SMARCC1: variants seen among roughly 807,000 people sequenced by gnomAD.
SMARCC1 encodes the protein SWI/SNF complex subunit SMARCC1.
SMARCC1 carries 43 observed loss-of-function variants against 147.4 expected under a neutral mutation model. That is an observed-to-expected ratio of 0.29 (90% CI 0.23 to 0.38). SMARCC1 has a LOEUF of 0.38. Among genes scored for constraint, SMARCC1 ranks in the 10% least tolerant of loss-of-function variants. The probability of loss-of-function intolerance (pLI) is 1.00; values close to 1 mark genes in which losing one functional copy is unlikely to be tolerated. For missense variants in SMARCC1, 1,119 were observed against 1,381.1 expected (o/e 0.81, Z 3.01); for synonymous variants, 495 against 484.4 (o/e 1.02, Z -0.29).
At chr3:47,590,613 C>T in intron 27 of SMARCC1, 48 bp downstream of exon 27, 1 of 1,454,316 alleles carries the variant, frequency 6.9e-7, no homozygotes. Flanking sequence ...ATCTACAGCC[C>T]TCCAGAACGG....
intron 19 of SMARCC1, chr3:47,670,246 G>C (rs2033477620): frequency 6.0e-6 from 1 of 165,836 alleles, no homozygotes; most frequent in Non-Finnish European, 1.3e-5. Flanking sequence ...TTGTGATTGA[G>C]TTTTGAGCTC....
At chr3:47,589,482 TATGTATGGTCCACAG>T (rs1477402693) in intron 27 of SMARCC1, among the ~76,000 whole-genome samples, 2 of 152,214 alleles carry the variant, frequency 1.3e-5, no homozygotes, top group Admixed American at 1.3e-4. Flanking sequence ...CGAGCTCATT[TATGTATGGTCCACAG>T]GGTGGCTTGG....
At chr3:47,737,816 C>T (rs1054839060) in intron 4 of SMARCC1, among the ~76,000 whole-genome samples, 4 of 144,702 alleles carry the variant, frequency 2.8e-5, no homozygotes, top group South Asian at 2.4e-4. Flanking sequence ...GAACCACGTG[C>T]GGCTAATTTT....
At chr3:47,622,464 T>C (rs760376844) in intron 24 of SMARCC1, 123 bp from the exon 25 acceptor site, 28 of 865,398 alleles carry the variant, frequency 3.2e-5, no homozygotes, top group Middle Eastern at 4.5e-4. Flanking sequence ...ATGTCTCCTT[T>C]GTAACGTACA....
chr3:47,774,769 T>G (rs1000907095), intron 1 of SMARCC1, among the ~76,000 whole-genome samples: 1 of 152,010 alleles, frequency 6.6e-6, no homozygotes, highest in African/African-American at 2.4e-5. Flanking sequence ...TATTGATAAT[T>G]TGCAACAAAA....
rs1411537308 is a variant in SMARCC1 at position 47,693,307 on chromosome 3, A to C, written c.1166-7T>G. 4.0e-6 allele frequency: 6 copies of C among 1,484,968 alleles called. No individual in the cohort carries two copies. In the Admixed American group the frequency reaches 1.0e-4, roughly 25 times the overall value. The allele number at this position is 1,484,968 out of a possible 1,614,324, so 92.0% of individuals were successfully genotyped here. On this transcript the variant is annotated splice_region_variant and splice_polypyrimidine_tract_variant and intron_variant, in intron 11 of 27. Coordinates refer to ENST00000254480, the MANE Select transcript of SMARCC1 (RefSeq NM_003074.4). ...CTATCTTTCTTTAGGTTCACTAGAAAAAGAAAAAAAAGAGTTATGTTTATG... is the reference window on the plus strand; with the variant it reads ...CTATCTTTCTTTAGGTTCACTAGAACAAGAAAAAAAAGAGTTATGTTTATG...
chr3:47,751,061 C>A (rs542763155), intron 2 of SMARCC1, among the ~76,000 whole-genome samples: 1 of 152,014 alleles, frequency 6.6e-6, no homozygotes, highest in East Asian at 2.0e-4. Context: ...CCACGCCAGG[C>A]TTATTTTTGT....
intron 5 of SMARCC1, among the ~76,000 whole-genome samples, chr3:47,734,103 G>T (rs2034411907): frequency 6.6e-6 from 1 of 152,042 alleles, no homozygotes; most frequent in African/African-American, 2.4e-5. Flanking sequence ...AATGTTTCCA[G>T]TATGACCCGG....
intron 25 of SMARCC1, among the ~76,000 whole-genome samples, chr3:47,613,507 C>T (rs2106673992): frequency 6.6e-6 from 1 of 151,710 alleles, no homozygotes; most frequent in East Asian, 1.9e-4. Flanking sequence ...TTACAGGTGC[C>T]CACTACCACG....
intron 9 of SMARCC1, among the ~76,000 whole-genome samples, chr3:47,709,742 C>T (rs2034061731): frequency 1.3e-5 from 2 of 151,818 alleles, no homozygotes; most frequent in African/African-American, 4.8e-5. Flanking sequence ...GGAAAAGGAA[C>T]CAGAAGTCTC....
At chr3:47,623,584 C>A (rs1046925172) in intron 24 of SMARCC1, among the ~76,000 whole-genome samples, 7 of 152,122 alleles carry the variant, frequency 4.6e-5, no homozygotes, top group Non-Finnish European at 2.9e-5. Flanking sequence ...GTCTGCCACC[C>A]TAAACTACAA....
chr3:47,663,212 G>A (rs868313824), intron 19 of SMARCC1, among the ~76,000 whole-genome samples: 16 of 25,002 alleles, frequency 6.4e-4, no homozygotes, highest in South Asian at 7.5e-3. Context: ...GAGGGGAGGG[G>A]AGGAAGGAAG....
rs1242440858 is a variant in SMARCC1 at position 47,710,128 on chromosome 3, C to A, written c.918+555G>T. Reference sequence around the variant, plus strand: ...GGTCAGGAGTTCGAGACCAACCTGGCCAACATGGAGAAACCCTGTCTCTAC... The same window carrying A: ...GGTCAGGAGTTCGAGACCAACCTGGACAACATGGAGAAACCCTGTCTCTAC... On this transcript the variant is annotated intron_variant, in intron 9 of 27. Transcript: ENST00000254480. Among the ~76,000 whole-genome samples, 3 of 152,084 alleles carry A rather than the reference C, an allele frequency of 2.0e-5. No individual in the cohort carries two copies. In the East Asian group the frequency reaches 5.8e-4, roughly 29 times the overall value.
rs946085684 is a variant in SMARCC1 at position 47,727,470 on chromosome 3, A to G, written c.646+1555T>C. On this transcript the variant is annotated intron_variant, in intron 6 of 27. Transcript: ENST00000254480. ...TGCAGTGAGCCGAGATCACATGACT[A>G]CACTCTAGCCTGGGTGACAGAACAA... 6.6e-5 allele frequency among the ~76,000 whole-genome samples: 10 copies of G among 151,998 alleles called. No homozygotes were observed. In the East Asian group the frequency reaches 1.7e-3, roughly 26 times the overall value.
At position 47,693,285 on chromosome 3, in the gene SMARCC1, T is replaced by A; in HGVS notation, c.1181A>T (p.Asp394Val). 6.3e-7 allele frequency: 1 copy of A among 1,588,254 alleles called. No individual in the cohort carries two copies. The highest frequency in any genetic ancestry group is 1.7e-5 in the Admixed American group (1 of 59,808). ...VLPKNVNLKK[D>V]SENTPVKGGT... ...TCCTTTAACAGGTGTATTTTCACTA[T>A]CTTTCTTTAGGTTCACTAGAAAAAG... is the stretch of plus-strand genomic sequence containing the variant. Residue 394 changes from aspartate to valine, a missense_variant, in exon 12 of 28, where the codon GAT becomes GTT. Physicochemically the swap from Asp to Val is radical, Grantham distance 152. Transcript: ENST00000254480.
chr3:47,704,484 T>C (rs993075552), intron 10 of SMARCC1, among the ~76,000 whole-genome samples: 7 of 152,166 alleles, frequency 4.6e-5, no homozygotes, highest in South Asian at 2.1e-4. Flanking sequence ...TCATGCCTCC[T>C]AGAGATCACA....
intron 21 of SMARCC1, among the ~76,000 whole-genome samples, chr3:47,648,933 G>A (rs1308401187): frequency 2.0e-5 from 3 of 151,992 alleles, no homozygotes; most frequent in Admixed American, 6.6e-5. Flanking sequence ...ATCCCCCAAA[G>A]GCAGACAGTT....
At chr3:47,697,081 G>A (rs1222622482) in intron 11 of SMARCC1, among the ~76,000 whole-genome samples, 2 of 152,170 alleles carry the variant, frequency 1.3e-5, no homozygotes, top group Admixed American at 1.3e-4. Context: ...TGCAATTTGG[G>A]AGGCTGAGGA....
intron 25 of SMARCC1, chr3:47,610,558 T>C: frequency 1.8e-6 from 1 of 560,520 alleles, no homozygotes; most frequent in South Asian, 2.0e-5. Flanking sequence ...TGAGTCTAAG[T>C]CTTTCCTTGC....
Sources: allele counts gnomAD v4.1 joint callset (sites outside exome capture counted in the v4.1 genomes callset), GRCh38; gene constraint gnomAD v4.1.1; transcripts MANE v1.5; gene names NCBI Gene and HGNC (gene_info 2026-07-23, HGNC 2026-07-21).